The following CWF19L2 variants were observed in gnomAD, a reference collection of about 807,000 sequenced individuals.
CWF19L2 encodes CWF19 like cell cycle control factor 2.
In CWF19L2, 98 loss-of-function variants were observed where a neutral mutation model predicts 111.7. The observed-to-expected ratio is 0.88, with a 90% CI of 0.75 to 1.04. The LOEUF (loss-of-function observed/expected upper bound fraction) is 1.04. CWF19L2 is among the 50% of genes least tolerant of loss of function. CWF19L2 has a pLI of 0.00. For missense variants in CWF19L2, 1,101 were observed against 1,051.4 expected (o/e 1.05, Z -0.65); for synonymous variants, 351 against 342.9 (o/e 1.02, Z -0.26).
intron 14 of CWF19L2, among the ~76,000 whole-genome samples, chr11:107,339,115 T>A: frequency 6.6e-6 from 1 of 152,186 alleles, no homozygotes; most frequent in East Asian, 1.9e-4. Context: ...TTAGGCTTTT[T>A]TCAATTAGCA....
At chr11:107,334,734 G>A in intron 16 of CWF19L2, 147 bp downstream of exon 16, 1 of 661,990 alleles carries the variant, frequency 1.5e-6, no homozygotes, top group South Asian at 1.7e-5. Flanking sequence ...TCTAGACCAG[G>A]TAGGATAAAA....
At chr11:107,456,461 C>A (rs1402293608) in intron 1 of CWF19L2, among the ~76,000 whole-genome samples, 6 of 151,932 alleles carry the variant, frequency 3.9e-5, no homozygotes, top group African/African-American at 1.5e-4. Context: ...TATATATATA[C>A]CCACACACAC....
At chr11:107,339,028 C>A (rs930353640) in intron 14 of CWF19L2, among the ~76,000 whole-genome samples, 7 of 152,196 alleles carry the variant, frequency 4.6e-5, no homozygotes, top group African/African-American at 1.2e-4. Context: ...TACACTCCCA[C>A]AAACAGTGTA....
intron 12 of CWF19L2, among the ~76,000 whole-genome samples, chr11:107,387,438 T>C (rs1860784051): frequency 7.1e-6 from 1 of 141,708 alleles, no homozygotes; most frequent in Admixed American, 7.2e-5. Flanking sequence ...GACACAGCCT[T>C]GCTAAAAACA....
chr11:107,353,868 G>T, intron 12 of CWF19L2, 132 bp from the exon 13 acceptor site: 1 of 662,770 alleles, frequency 1.5e-6, no homozygotes, highest in South Asian at 2.0e-5. Context: ...GAAAAAACAT[G>T]ATTAATATTT....
At position 107,429,039 on chromosome 11, in the gene CWF19L2, T is replaced by C. The variant is rs146066428; in HGVS notation, c.1193A>G (p.Gln398Arg). Residue 398 changes from glutamine (Q) to arginine (R), a missense_variant, in exon 8 of 18, where the codon CAG (glutamine) becomes CGG (arginine). Coordinates refer to ENST00000282251, the MANE Select transcript of CWF19L2 (RefSeq NM_152434.3). ...PLSSSSALVA[Q>R]GSLCSGFRKP... is the part of the protein sequence containing the mutation. Reference sequence around the variant, plus strand: ...TCTAAAACCACTACACAAAGAGCCCTGAGCTACCAATGCTGAAGATGAACT... The same window carrying C: ...TCTAAAACCACTACACAAAGAGCCCCGAGCTACCAATGCTGAAGATGAACT... 256 of 1,613,866 alleles carry C rather than the reference T, an allele frequency of 1.6e-4. No homozygotes were observed. Among genetic ancestry groups the C allele is most frequent in the Non-Finnish European group, 1.9e-4 (230 of 1,179,792 alleles).
At chr11:107,342,682 G>A (rs1860022236) in intron 14 of CWF19L2, among the ~76,000 whole-genome samples, 1 of 151,996 alleles carries the variant, frequency 6.6e-6, no homozygotes, top group African/African-American at 2.4e-5. Flanking sequence ...CTGACTAATG[G>A]CCCCCAAGAT....
At chr11:107,376,412 C>A (rs1436668786) in intron 12 of CWF19L2, among the ~76,000 whole-genome samples, 1 of 100,278 alleles carries the variant, frequency 1.0e-5, no homozygotes, top group Non-Finnish European at 1.9e-5. Flanking sequence ...AAACCTTATC[C>A]ACCATGATCA....
chr11:107,379,506 A>C (rs1469867356), intron 12 of CWF19L2, among the ~76,000 whole-genome samples: 1 of 152,242 alleles, frequency 6.6e-6, no homozygotes, highest in Non-Finnish European at 1.5e-5. Context: ...TGCACATGAA[A>C]AGTTCTTTTG....
Position 107,374,001 on chromosome 11 carries a change from A to G in CWF19L2, c.1872+16073T>C, listed in dbSNP as rs1182290742. On this transcript the variant is annotated intron_variant, in intron 12 of 17. Coordinates refer to ENST00000282251, the MANE Select transcript of CWF19L2 (RefSeq NM_152434.3). ...GAAGCCTCAGGAGCTGATGCGATCA[A>G]CTGGAAGAAAGGGTATCAGCAATGG... 1.5e-5 allele frequency among the ~76,000 whole-genome samples: 2 copies of G among 137,296 alleles called. 1 individual carries two copies. Among genetic ancestry groups the G allele is most frequent in the Non-Finnish European group, 3.1e-5 (2 of 64,250 alleles). The allele number at this position is 137,296 out of a possible 152,430, so 90.1% of individuals were successfully genotyped here. A position where few individuals can be genotyped will look rare whatever the true frequency, so the allele number is the denominator to read the frequency against.
chr11:107,427,008 G>A (rs1861387613), intron 8 of CWF19L2, among the ~76,000 whole-genome samples: 1 of 151,744 alleles, frequency 6.6e-6, no homozygotes, highest in Admixed American at 6.6e-5. Flanking sequence ...CATTTATTAA[G>A]ATTACAAATG....
At chr11:107,417,168 A>C (rs1375448499) in intron 9 of CWF19L2, among the ~76,000 whole-genome samples, 2 of 152,228 alleles carry the variant, frequency 1.3e-5, no homozygotes, top group African/African-American at 4.8e-5. Context: ...AAGATCCCTT[A>C]TATTTGGGTT....
chr11:107,347,732 A>ACCTATTTGTG (rs1860100093), intron 14 of CWF19L2, among the ~76,000 whole-genome samples: 1 of 152,172 alleles, frequency 6.6e-6, no homozygotes, highest in Admixed American at 6.5e-5. Context: ...AGCACCTAAA[A>ACCTATTTGTG]TATTATATTT....
At chr11:107,396,380 A>G (rs1226886149) in intron 10 of CWF19L2, among the ~76,000 whole-genome samples, 2 of 152,314 alleles carry the variant, frequency 1.3e-5, no homozygotes, top group East Asian at 3.9e-4. Context: ...TTGTTAAAGC[A>G]TTTTATAAGG....
chr11:107,393,945 G>A (rs1187991841), intron 10 of CWF19L2, among the ~76,000 whole-genome samples: 2 of 152,218 alleles, frequency 1.3e-5, no homozygotes, highest in Non-Finnish European at 2.9e-5. Flanking sequence ...TATTATTCAG[G>A]TGATGGGTAG....
chr11:107,403,932 C>A (rs1485994265), intron 10 of CWF19L2: 1 of 872,780 alleles, frequency 1.1e-6, no homozygotes, highest in East Asian at 2.4e-5. Context: ...AAGGACTGGA[C>A]CTGTCGTTTA....
Position 107,392,786 on chromosome 11 carries a change from CTCTT to C in CWF19L2, c.1723_1726del (p.Lys575AspfsTer22), listed in dbSNP as rs1860867146. 6.4e-7 allele frequency: 1 copy of C among 1,570,818 alleles called. No homozygotes were observed. Among genetic ancestry groups the C allele is most frequent in the Non-Finnish European group, 8.7e-7 (1 of 1,150,568 alleles). ...GACATATGTTAAACATACCATCTGT[CTCTT>C]TCTTCTTCCTCCTTGTGATTCCAGA... On this transcript the variant is annotated frameshift_variant, in exon 11 of 18. Transcript: ENST00000282251. LOFTEE classifies it high-confidence loss of function.
chr11:107,348,072 C>CA (rs1230989418), intron 14 of CWF19L2, among the ~76,000 whole-genome samples: 1 of 152,076 alleles, frequency 6.6e-6, no homozygotes, highest in Non-Finnish European at 1.5e-5. Context: ...TGCTTGGTTG[C>CA]AGATGCAATA....
At position 107,454,384 on chromosome 11, in the gene CWF19L2, A is replaced by G. The variant is rs1026646540; in HGVS notation, c.339+66T>C. 2.2e-5 allele frequency: 26 copies of G among 1,197,962 alleles called. No individual in the cohort carries two copies. In the East Asian group the frequency reaches 3.1e-4, roughly 14 times the overall value. The allele number at this position is 1,197,962 out of a possible 1,614,324, so 74.2% of individuals were successfully genotyped here. ...ACGTTTTCTTGTATTTTAACTTCCC[A>G]TAAGTTACACATTCAAATAAAATGT... On this transcript the variant is annotated intron_variant, in intron 3 of 17. Transcript: ENST00000282251.
Sources: allele counts gnomAD v4.1 joint callset (sites outside exome capture counted in the v4.1 genomes callset), GRCh38; gene constraint gnomAD v4.1.1; transcripts MANE v1.5; gene names NCBI Gene and HGNC (gene_info 2026-07-23, HGNC 2026-07-21).